The following RXYLT1 variants were observed in gnomAD, a reference collection of about 807,000 sequenced individuals.
RXYLT1 encodes the protein ribitol xylosyltransferase 1, also known as ribitol-5-phosphate xylosyltransferase 1.
RXYLT1 carries 41 observed loss-of-function variants against 43.5 expected under a neutral mutation model. That is an observed-to-expected ratio of 0.94 (90% CI 0.73 to 1.22). RXYLT1 has a LOEUF of 1.22. RXYLT1 is among the 50% of genes most tolerant of loss of function. The pLI is 0.00. For synonymous variants in RXYLT1, 166 were observed against 194.4 expected, an observed-to-expected ratio of 0.85 and a Z score of 1.21; for missense variants, 514 against 532.0, an observed-to-expected ratio of 0.97 and a Z score of 0.33.
intron 2 of RXYLT1, among the ~76,000 whole-genome samples, chr12:63,783,039 C>G (rs932047675): frequency 6.6e-6 from 1 of 152,174 alleles, no homozygotes; most frequent in Admixed American, 6.5e-5. Context: ...ATCACAAGTT[C>G]TGCTTTCCAT....
chr12:63,789,964 G>C (rs1051720491), intron 3 of RXYLT1, among the ~76,000 whole-genome samples: 1 of 152,172 alleles, frequency 6.6e-6, no homozygotes, highest in Non-Finnish European at 1.5e-5. Context: ...TTGAAAATAA[G>C]TGTAAATATA....
At position 63,805,338 on chromosome 12, in the gene RXYLT1, A is replaced by G. The variant is rs1248964065; in HGVS notation, c.848A>G (p.Gln283Arg). The change falls in exon 5 of 6, where the codon CAG (glutamine) becomes CGG (arginine). Residue 283 changes from glutamine to arginine, a missense_variant. Gln to Arg is a conservative substitution (Grantham distance 43). Transcript: ENST00000261234. ...LGTIYENSSR[Q>R]ALMNILKKDG... is the part of the protein sequence containing the mutation. ...ACGATTTATGAAAATTCATCCAGAC[A>G]GGCACTAATGAACATTTTGAAAAAA... is the stretch of plus-strand genomic sequence containing the variant. 1.9e-6 allele frequency: 3 copies of G among 1,613,066 alleles called. No individual in the cohort carries two copies. The highest frequency in any genetic ancestry group is 1.7e-4 in the Middle Eastern group (1 of 6,052).
rs1397516062 is a variant in RXYLT1 at position 63,785,045 on chromosome 12, A to G, written c.401A>G (p.Lys134Arg). 2 of 1,613,842 alleles carry G rather than the reference A, an allele frequency of 1.2e-6. No individual in the cohort carries two copies. Among genetic ancestry groups the G allele is most frequent in the East Asian group, 2.2e-5 (1 of 44,854 alleles). Residue 134 changes from lysine to arginine, a missense_variant, in exon 3 of 6, where the codon AAG becomes AGG. Transcript: ENST00000261234. ...GTGACTGCTCAATGGAGAGAAGGAAAGTCAATCGTAGGAAGAACACAGTAC... is the reference window on the plus strand; with the variant it reads ...GTGACTGCTCAATGGAGAGAAGGAAGGTCAATCGTAGGAAGAACACAGTAC... ...SDVTAQWREG[K>R]SIVGRTQYSF... is the part of the protein sequence containing the mutation.
chr12:63,780,088 T>C lies in RXYLT1; in HGVS notation c.128T>C (p.Leu43Pro). The C allele has an allele frequency of 6.3e-7, 1 of 1,582,400 alleles. No homozygotes were observed. The highest frequency in any genetic ancestry group is 8.6e-7 in the Non-Finnish European group (1 of 1,168,490). The change falls in exon 1 of 6, where the codon CTC (leucine) becomes CCC (proline). Residue 43 changes from leucine (L) to proline (P), a missense_variant. Physicochemically the swap from Leu to Pro is moderately conservative, Grantham distance 98. Coordinates refer to ENST00000261234, the MANE Select transcript of RXYLT1 (RefSeq NM_014254.3). ...RQAPAGSPRG[L>P]RKGAAPARER... ...GCGCCGGCCGGGTCCCCGCGGGGCCTCAGGAAGGGGGCGGCCCCCGCGCGG... is the reference window on the plus strand; with the variant it reads ...GCGCCGGCCGGGTCCCCGCGGGGCCCCAGGAAGGGGGCGGCCCCCGCGCGG...
At chr12:63,808,071 C>G (rs1302661648) in intron 5 of RXYLT1, 1 of 152,970 alleles carries the variant, frequency 6.5e-6, no homozygotes, top group Admixed American at 6.5e-5. Context: ...GCCACCCTGG[C>G]TTCCCCGCAG....
intron 2 of RXYLT1, chr12:63,782,680 T>C: frequency 2.2e-6 from 1 of 454,422 alleles, no homozygotes; most frequent in East Asian, 7.0e-5. Context: ...ATTTCTGGCT[T>C]CTGCTGAGAT....
chr12:63,798,227 A>G (rs1017178408), intron 3 of RXYLT1, among the ~76,000 whole-genome samples: 1 of 152,060 alleles, frequency 6.6e-6, no homozygotes. Context: ...ACATTGAGTG[A>G]TCTTTCCTGG....
At chr12:63,801,249 C>CT (rs34064256) in intron 3 of RXYLT1, among the ~76,000 whole-genome samples, 1 of 151,840 alleles carries the variant, frequency 6.6e-6, no homozygotes, top group Non-Finnish European at 1.5e-5. Flanking sequence ...CTAATCCTTG[C>CT]TTTTTTTAAC....
chr12:63,780,353 G>C, intron 1 of RXYLT1: 1 of 1,287,178 alleles, frequency 7.8e-7, no homozygotes. Flanking sequence ...CCCGATCCCA[G>C]GGGGTGACAG....
intron 3 of RXYLT1, among the ~76,000 whole-genome samples, chr12:63,799,637 AT>A (rs1243617651): frequency 2.0e-5 from 3 of 151,988 alleles, no homozygotes; most frequent in South Asian, 2.1e-4. Flanking sequence ...TATGGACTTA[AT>A]GTCAAATAAC....
chr12:63,780,127 G>A lies in RXYLT1; in HGVS notation c.167G>A (p.Arg56Gln). The A allele has an allele frequency of 6.7e-7, 1 of 1,503,264 alleles. No individual in the cohort carries two copies. The highest frequency in any genetic ancestry group is 2.5e-5 in the East Asian group (1 of 39,282). The allele number at this position is 1,503,264 out of a possible 1,614,324, so 93.1% of individuals were successfully genotyped here. ...GAAPARERRG[R>Q]EQSTLESEEW... is the part of the protein sequence containing the mutation. ...GCCCCCGCGCGGGAGAGACGCGGCC[G>A]AGGTAGGACTGGGTCGGCGGCTTCC... is the stretch of plus-strand genomic sequence containing the variant. Residue 56 changes from arginine (R) to glutamine (Q), a missense_variant and splice_region_variant, in exon 1 of 6, where the codon CGA becomes CAA. Physicochemically the swap from Arg to Gln is conservative, Grantham distance 43. Coordinates refer to ENST00000261234, the MANE Select transcript of RXYLT1 (RefSeq NM_014254.3).
intron 3 of RXYLT1, among the ~76,000 whole-genome samples, chr12:63,788,396 GA>G (rs1897852024): frequency 6.6e-6 from 1 of 152,186 alleles, no homozygotes; most frequent in African/African-American, 2.4e-5. Context: ...ATCTTCTGCT[GA>G]TATAAAGCTG....
In RXYLT1 at chr12:63,781,129, G is replaced by A; in HGVS notation, c.280G>A (p.Gly94Arg). 6.2e-7 allele frequency: 1 copy of A among 1,605,430 alleles called. No individual in the cohort carries two copies. The highest frequency in any genetic ancestry group is 8.5e-7 in the Non-Finnish European group (1 of 1,176,702). The part of the protein sequence containing the change: ...SLQILDKSTK[G>R]KTDLSVQIWG... Reference sequence around the variant, plus strand: ...TCAAATATTAGATAAATCCACGAAAGGAAAAACAGATCTCAGTGTACAAAT... The same window carrying A: ...TCAAATATTAGATAAATCCACGAAAAGAAAAACAGATCTCAGTGTACAAAT... The change falls in exon 2 of 6, where the codon GGA becomes AGA. Residue 94 changes from glycine (G) to arginine (R), a missense_variant. Coordinates refer to ENST00000261234, the MANE Select transcript of RXYLT1 (RefSeq NM_014254.3).
At chr12:63,795,678 A>G (rs983950695) in intron 3 of RXYLT1, 2 of 152,196 alleles carry the variant, frequency 1.3e-5, no homozygotes, top group Non-Finnish European at 2.9e-5. Flanking sequence ...CTGTGTCTTC[A>G]AAATGTATAA....
intron 4 of RXYLT1, 167 bp from the exon 5 acceptor site, chr12:63,805,064 CAGT>C (rs1898255224): frequency 6.5e-6 from 3 of 459,218 alleles, no homozygotes; most frequent in Non-Finnish European, 1.1e-5. Context: ...TTTTTTAAGT[CAGT>C]AGATTCAGGG....
intron 3 of RXYLT1, among the ~76,000 whole-genome samples, chr12:63,791,961 C>T (rs1400167477): frequency 6.6e-6 from 1 of 152,190 alleles, no homozygotes; most frequent in Non-Finnish European, 1.5e-5. Flanking sequence ...ATTCTCAGTG[C>T]TCACAAGCAT....
At chr12:63,784,075 A>C (rs1009289638) in intron 2 of RXYLT1, among the ~76,000 whole-genome samples, 5 of 152,146 alleles carry the variant, frequency 3.3e-5, no homozygotes, top group African/African-American at 9.7e-5. Context: ...TCACCTCAGC[A>C]TCCTTAACTT....
chr12:63,806,944 A>C (rs543874289), intron 5 of RXYLT1: 1 of 152,470 alleles, frequency 6.6e-6, no homozygotes, highest in South Asian at 2.1e-4. Flanking sequence ...TGGTCTTTGC[A>C]GTTCCTTCAC....
chr12:63,804,196 A>G (rs1898231508), intron 4 of RXYLT1: 1 of 152,284 alleles, frequency 6.6e-6, no homozygotes. Context: ...AGAGGTTGTC[A>G]CAACTGGTAT....
Sources: gnomAD v4.1 joint callset for allele counts (sites outside exome capture counted in the v4.1 genomes callset) on GRCh38, gnomAD v4.1.1 for gene constraint, MANE v1.5 for transcripts, NCBI Gene and HGNC (gene_info 2026-07-23, HGNC 2026-07-21) for gene names.